The following FCSK variants were observed in gnomAD, a reference collection of about 807,000 sequenced individuals.
The protein encoded by FCSK is fucose kinase.
Under a neutral mutation model 122.5 loss-of-function variants are expected in FCSK, and 123 were observed. That is an observed-to-expected ratio of 1.00 (90% CI 0.87 to 1.17). The LOEUF is 1.17. Ranked by LOEUF, FCSK falls within the 50% of genes most tolerant of loss-of-function variation. The pLI is 0.00. For missense variants in FCSK, 1,366 were observed against 1,450.4 expected (o/e 0.94, Z 0.95); for synonymous variants, 620 against 625.5 (o/e 0.99, Z 0.13).
rs1396075264 is a variant in FCSK at position 70,471,289 on chromosome 16, C to CACGCGGCT, written c.1281_1288dup (p.His430ArgfsTer147). The CACGCGGCT allele has an allele frequency of 6.2e-7, 1 of 1,605,398 alleles. No individual in the cohort carries two copies. The highest frequency in any genetic ancestry group is 1.3e-5 in the African/African-American group (1 of 74,846). ...GTGACCTTGTCCTGCAGGGACACCA[C>CACGCGGCT]ACGCGGCTACACGGCTCCCCGGGCC... is the stretch of plus-strand genomic sequence containing the variant. On this transcript the variant is annotated frameshift_variant, in exon 13 of 24. Coordinates refer to ENST00000288078, the MANE Select transcript of FCSK (RefSeq NM_145059.3). LOFTEE classifies it high-confidence loss of function.
At chr16:70,470,699 G>A (rs2048585306) in intron 11 of FCSK, among the ~76,000 whole-genome samples, 2 of 152,218 alleles carry the variant, frequency 1.3e-5, no homozygotes, top group African/African-American at 4.8e-5. Context: ...GGTGACAGTG[G>A]TGGGCCTGGG....
In FCSK at chr16:70,463,250, C is replaced by G. The variant is rs751100550; in HGVS notation, c.60C>G (p.Asp20Glu). 6 of 1,613,956 alleles carry G rather than the reference C, an allele frequency of 3.7e-6. No individual in the cohort carries two copies. The highest frequency in any genetic ancestry group is 4.2e-6 in the Non-Finnish European group (5 of 1,179,904). The change falls in exon 2 of 24, where the codon GAC (aspartate) becomes GAG (glutamate). Residue 20 changes from aspartate to glutamate, a missense_variant. Physicochemically the swap from Asp to Glu is conservative, Grantham distance 45. Transcript: ENST00000288078. The part of the protein sequence containing the change: ...TVIILTCQYK[D>E]SVQVFQRELE... ...TCATCCTGACCTGCCAGTACAAGGA[C>G]AGTGTCCAGGTCTTTCAGAGAGGTA...
chr16:70,470,271 C>T (rs202048422), intron 10 of FCSK, 43 bp from the exon 11 acceptor site: 39 of 1,376,320 alleles, frequency 2.8e-5, no homozygotes, highest in East Asian at 4.6e-5. Context: ...GCCCCTGAGT[C>T]GCAGCAGGCA....
chr16:70,469,059 GTC>G (rs1409244025), intron 9 of FCSK, 91 bp downstream of exon 9: 1 of 1,606,180 alleles, frequency 6.2e-7, no homozygotes, highest in African/African-American at 1.3e-5. Context: ...CTGGGGCAGA[GTC>G]TCCGCAGACG....
chr16:70,474,369 G>GATAA (rs1334971462), intron 16 of FCSK, 30 bp downstream of exon 16: 9 of 1,605,394 alleles, frequency 5.6e-6, no homozygotes, highest in Non-Finnish European at 7.7e-6. Flanking sequence ...AGATCCCTTG[G>GATAA]ATAAGCCCCT....
chr16:70,473,046 C>T lies in FCSK; in HGVS notation c.1470C>T (p.Leu490=), dbSNP rs746813847. 9 of 1,589,408 alleles carry T rather than the reference C, an allele frequency of 5.7e-6. No individual in the cohort carries two copies. Among genetic ancestry groups the T allele is most frequent in the Middle Eastern group, 1.7e-4 (1 of 6,060 alleles). ...AGTACTGCCTTCCCAGCGCCCGCCT[C>T]TTTCCTGTGCTCCACCCCTCGAGGG... The part of the protein sequence containing the change: ...PAEYCLPSAR[L]FPVLHPSREL... Residue 490 remains leucine, a synonymous_variant, in exon 15 of 24, where the codon CTC becomes CTT. Transcript: ENST00000288078. This position sits in a 1 kb window ranked among gnomAD's most constrained non-coding sequence, Gnocchi z 4.9.
rs770124529 is a variant in FCSK, at chr16:70,463,584, G to A, written c.83-39G>A. 1.7e-5 allele frequency: 28 copies of A among 1,609,116 alleles called. 1 individual carries two copies. In the South Asian group the frequency reaches 2.9e-4, roughly 16 times the overall value. ...CTTACGTGCTTTGGGCCAGGGCAGA[G>A]AGCTGGGGGGCAGGTCCCAGTGTCT... On this transcript the variant is annotated intron_variant, in intron 2 of 23. Transcript: ENST00000288078.
chr16:70,455,507 A>C (rs182910628), intron 1 of FCSK, among the ~76,000 whole-genome samples: 15 of 151,064 alleles, frequency 9.9e-5, no homozygotes, highest in African/African-American at 1.9e-4. Flanking sequence ...AAACAAACCA[A>C]CAACAACAAC....
chr16:70,472,925 G>C (rs563832402), intron 14 of FCSK, 58 bp from the exon 15 acceptor site: 5 of 1,534,302 alleles, frequency 3.3e-6, no homozygotes, highest in Non-Finnish European at 4.4e-6. Flanking sequence ...CTCAGGGCTT[G>C]GGGAAGAGAC....
chr16:70,457,764 GT>G (rs150762552), intron 1 of FCSK: 24,354 of 138,342 alleles, frequency 0.18, 6,630 homozygotes, highest in African/African-American at 0.58. Flanking sequence ...GTGGTTTTTT[GT>G]TTTTTTTTTT....
intron 1 of FCSK, among the ~76,000 whole-genome samples, chr16:70,460,415 T>G (rs1407444463): frequency 2.1e-5 from 3 of 146,092 alleles, no homozygotes; most frequent in Non-Finnish European, 4.5e-5. Context: ...CTGGACTTCT[T>G]TTTTTTTGAG....
intron 20 of FCSK, chr16:70,477,974 T>C: frequency 2.7e-6 from 1 of 364,580 alleles, no homozygotes; most frequent in Non-Finnish European, 5.0e-6. Flanking sequence ...TGTGCCACCG[T>C]GCCCGGCCAT....
chr16:70,466,535 A>C (rs988968097), intron 5 of FCSK: 1 of 475,480 alleles, frequency 2.1e-6, no homozygotes, highest in Non-Finnish European at 3.8e-6. Context: ...TCTACAAAAA[A>C]ATTTTTAAAA....
In FCSK at chr16:70,454,596, A is replaced by G. The variant is rs2151691193; in HGVS notation, c.-57A>G. 1 of 152,174 alleles carries G rather than the reference A, an allele frequency of 6.6e-6. No individual in the cohort carries two copies. Among genetic ancestry groups the G allele is most frequent in the Admixed American group, 6.5e-5 (1 of 15,278 alleles). 9.4% of individuals were successfully genotyped at this position (152,174 alleles called of 1,614,324 possible). A position where few individuals can be genotyped will look rare whatever the true frequency, so the allele number is the denominator to read the frequency against. ...GCGAGGGTCGCGCAGCCTCGCGTTAAAGAGCCCGCTCCGCCGAGCGCCGGG... is the reference window on the plus strand; with the variant it reads ...GCGAGGGTCGCGCAGCCTCGCGTTAGAGAGCCCGCTCCGCCGAGCGCCGGG... On this transcript the variant is annotated 5_prime_UTR_variant, in exon 1 of 24. Transcript: ENST00000288078.
At chr16:70,469,914 G>A (rs142022761) in intron 10 of FCSK, among the ~76,000 whole-genome samples, 3,079 of 149,602 alleles carry the variant, frequency 0.021, 53 homozygotes, top group Non-Finnish European at 0.032. Context: ...GCGTAATTTC[G>A]GCTCACTGCA....
At position 70,473,982 on chromosome 16, in the gene FCSK, T is replaced by G; in HGVS notation, c.1778-147T>G. ...ATCTCTGCCAGGCAGAGAGCAGGAGTGCAGTTACAGTCAAAGATACATTGT... is the reference window on the plus strand; with the variant it reads ...ATCTCTGCCAGGCAGAGAGCAGGAGGGCAGTTACAGTCAAAGATACATTGT... On this transcript the variant is annotated intron_variant, in intron 15 of 23. Coordinates refer to ENST00000288078, the MANE Select transcript of FCSK (RefSeq NM_145059.3). The surrounding 1 kb of genome is among the most constrained non-coding windows in gnomAD (Gnocchi z 4.9). The G allele has an allele frequency of 2.8e-6, 2 of 714,496 alleles. No individual in the cohort carries two copies. Among genetic ancestry groups the G allele is most frequent in the Non-Finnish European group, 2.4e-6 (1 of 422,246 alleles). 44.3% of individuals were successfully genotyped at this position (714,496 alleles called of 1,614,324 possible).
In FCSK at chr16:70,463,694, A is replaced by T. The variant is rs1249940928; in HGVS notation, c.154A>T (p.Lys52Ter). The change falls in exon 3 of 24, where the codon AAG (lysine) becomes TAG (stop). Residue 52 changes from lysine to a stop codon, truncating the protein, a stop_gained. Coordinates refer to ENST00000288078, the MANE Select transcript of FCSK (RefSeq NM_145059.3). LOFTEE classifies it high-confidence loss of function. ...TLLLAVEDPE[K>*]RVGSGGATLN... ...GTTACTGGCCGTGGAGGACCCAGAG[A>T]AGCGTGTGGGCAGCGGAGGAGCCAC... 1 of 1,613,088 alleles carries T rather than the reference A, an allele frequency of 6.2e-7. No individual in the cohort carries two copies. The highest frequency in any genetic ancestry group is 1.7e-5 in the Admixed American group (1 of 60,016).
At chr16:70,461,770 T>C (rs1297307477) in intron 1 of FCSK, among the ~76,000 whole-genome samples, 1 of 152,170 alleles carries the variant, frequency 6.6e-6, no homozygotes, top group East Asian at 1.9e-4. Flanking sequence ...CCTGCTGCCC[T>C]CCCTTCCTCC....
intron 1 of FCSK, among the ~76,000 whole-genome samples, chr16:70,455,544 C>T (rs2151693330): frequency 6.6e-6 from 1 of 151,314 alleles, no homozygotes; most frequent in East Asian, 2.0e-4. Context: ...GGCCTTAGGG[C>T]ACACTTTCTC....
Sources: allele counts gnomAD v4.1 joint callset (sites outside exome capture counted in the v4.1 genomes callset), GRCh38; gene constraint gnomAD v4.1.1; non-coding constraint Gnocchi (gnomAD v3.1); transcripts MANE v1.5; gene names NCBI Gene and HGNC (gene_info 2026-07-23, HGNC 2026-07-21).